ZDHHC11B: variants seen among roughly 807,000 people sequenced by gnomAD.
The protein encoded by ZDHHC11B is probable palmitoyltransferase ZDHHC11B.
In ZDHHC11B, 17 loss-of-function variants were observed where a neutral mutation model predicts 42.3. That is an observed-to-expected ratio of 0.40 (90% CI 0.27 to 0.60). The LOEUF is 0.60. Ranked by LOEUF, ZDHHC11B falls within the 20% of genes least tolerant of loss-of-function variation. ZDHHC11B has a pLI of 0.41. For missense variants in ZDHHC11B, 262 were observed against 463.2 expected (o/e 0.57, Z 3.99); for synonymous variants, 123 against 193.5 (o/e 0.64, Z 3.02).
chr5:762,294 C>T (rs1377273347), intron 4 of ZDHHC11B, among the ~76,000 whole-genome samples: 1 of 151,754 alleles, frequency 6.6e-6, no homozygotes, highest in Non-Finnish European at 1.5e-5. Context: ...GCCTCAACGG[C>T]CACTCACAGC....
At chr5:744,488 T>C (rs1744517908) in intron 9 of ZDHHC11B, among the ~76,000 whole-genome samples, 1 of 149,156 alleles carries the variant, frequency 6.7e-6, no homozygotes, top group Admixed American at 6.8e-5. Flanking sequence ...TCTTGGCTGT[T>C]CTATGTCTAT....
intron 12 of ZDHHC11B, among the ~76,000 whole-genome samples, chr5:719,351 T>C (rs1442204483): frequency 2.0e-5 from 3 of 151,830 alleles, no homozygotes; most frequent in South Asian, 2.1e-4. Flanking sequence ...GACATTTGAA[T>C]TACTAGTCAA....
In ZDHHC11B at chr5:780,605, G is replaced by A. The variant is rs1271975971; in HGVS notation, c.-230+4063C>T. Among the ~76,000 whole-genome samples, 4 of 135,952 alleles carry A rather than the reference G, an allele frequency of 2.9e-5. 1 individual carries two copies. The highest frequency in any genetic ancestry group is 2.3e-4 in the East Asian group (1 of 4,294). 89.2% of individuals were successfully genotyped at this position (135,952 alleles called of 152,430 possible). A position where few individuals can be genotyped will look rare whatever the true frequency, so the allele number is the denominator to read the frequency against. ...GACGGTAAGACCCCATCCCACTCCC[G>A]GAACATGAAGAGAGGCGGCCCAGAA... On this transcript the variant is annotated intron_variant, in intron 1 of 13. Transcript: ENST00000508859.
intron 11 of ZDHHC11B, among the ~76,000 whole-genome samples, chr5:732,980 C>T (rs554099750): frequency 1.3e-5 from 2 of 151,806 alleles, no homozygotes; most frequent in Non-Finnish European, 2.9e-5. Context: ...TTGCTTGAGC[C>T]CAGGAGTTGG....
Position 752,861 on chromosome 5 carries a change from C to T in ZDHHC11B, c.504-1604G>A, listed in dbSNP as rs111348214. On this transcript the variant is annotated intron_variant, in intron 6 of 13. Coordinates refer to ENST00000508859, the MANE Select transcript of ZDHHC11B (RefSeq NM_001351303.2). ...TTGTGGGGAGTAAAGACCCCTCATC[C>T]TCATCCTACTGTCTGGAGAGGACTC... Among the ~76,000 whole-genome samples, 588 of 118,432 alleles carry T rather than the reference C, an allele frequency of 5.0e-3. 7 individuals are homozygous for T. The highest frequency in any genetic ancestry group is 0.013 in the African/African-American group (482 of 36,728). 77.7% of individuals were successfully genotyped at this position (118,432 alleles called of 152,430 possible).
chr5:742,426 T>G (rs1217185649), intron 9 of ZDHHC11B, among the ~76,000 whole-genome samples: 1 of 136,228 alleles, frequency 7.3e-6, no homozygotes, highest in Non-Finnish European at 1.6e-5. Context: ...TTTGTTTGCC[T>G]GTGGCTTGCA....
chr5:718,389 C>T (rs543443783), intron 12 of ZDHHC11B, among the ~76,000 whole-genome samples: 1 of 151,822 alleles, frequency 6.6e-6, no homozygotes, highest in East Asian at 1.9e-4. Context: ...AAAGGAGAAG[C>T]TGGGCTGGGT....
intron 12 of ZDHHC11B, among the ~76,000 whole-genome samples, chr5:719,654 T>C (rs1276565088): frequency 3.4e-5 from 5 of 147,736 alleles, no homozygotes; most frequent in Non-Finnish European, 6.0e-5. Flanking sequence ...TGAAAGAGGA[T>C]AAACAGAGCT....
chr5:725,197 G>A (rs559945786), intron 12 of ZDHHC11B, among the ~76,000 whole-genome samples: 4 of 150,912 alleles, frequency 2.7e-5, no homozygotes, highest in African/African-American at 9.8e-5. Context: ...GACAAGCAGA[G>A]GAGGCCATCG....
chr5:778,243 C>A (rs1276952441), intron 1 of ZDHHC11B, among the ~76,000 whole-genome samples: 1 of 151,762 alleles, frequency 6.6e-6, no homozygotes, highest in African/African-American at 2.4e-5. Context: ...ACAGAGCATC[C>A]CAAAAGGGAA....
rs1304027499 is a variant in ZDHHC11B at position 732,983 on chromosome 5, G to T, written c.1023+769C>A. ...GAGGTGGGACAATTGCTTGAGCCCA[G>T]GAGTTGGAGGCTGCAGTGAGCCATT... On this transcript the variant is annotated intron_variant, in intron 11 of 13. Transcript: ENST00000508859. Among the ~76,000 whole-genome samples the T allele has an allele frequency of 7.2e-5, 11 of 151,732 alleles. 1 individual carries two copies. The highest frequency in any genetic ancestry group is 1.5e-4 in the Non-Finnish European group (10 of 67,996).
intron 4 of ZDHHC11B, among the ~76,000 whole-genome samples, chr5:765,275 C>A (rs1408676708): frequency 1.3e-5 from 2 of 151,536 alleles, no homozygotes; most frequent in Non-Finnish European, 2.9e-5. Flanking sequence ...TGTAAATGCA[C>A]CAATCAGCAC....
chr5:779,137 C>T (rs1421963827), intron 1 of ZDHHC11B, among the ~76,000 whole-genome samples: 13 of 151,558 alleles, frequency 8.6e-5, no homozygotes, highest in African/African-American at 1.5e-4. Context: ...CTAACACAGT[C>T]GCCCTGAGGC....
intron 1 of ZDHHC11B, among the ~76,000 whole-genome samples, chr5:777,748 G>A (rs1371836589): frequency 1.3e-5 from 2 of 152,082 alleles, no homozygotes; most frequent in Non-Finnish European, 2.9e-5. Flanking sequence ...CTCCACTCAG[G>A]AGTCTAGCTA....
chr5:759,448 G>A (rs1179362316), intron 4 of ZDHHC11B, among the ~76,000 whole-genome samples: 1 of 151,956 alleles, frequency 6.6e-6, no homozygotes, highest in Non-Finnish European at 1.5e-5. Flanking sequence ...ACTCCATGCT[G>A]GTGAATCTTC....
rs185355720 is a variant in ZDHHC11B at position 757,346 on chromosome 5, G to A, written c.223-1202C>T. ...AGAAGGTGCTGGCCATGTGCAAAAA[G>A]CCACGTAGGGATTTTAGCAGAAGGC... On this transcript the variant is annotated intron_variant, in intron 4 of 13. Coordinates refer to ENST00000508859, the MANE Select transcript of ZDHHC11B (RefSeq NM_001351303.2). Among the ~76,000 whole-genome samples the A allele has an allele frequency of 3.3e-5, 5 of 152,058 alleles. 1 individual carries two copies. In the East Asian group the frequency reaches 9.7e-4, roughly 29 times the overall value.
At position 776,174 on chromosome 5, in the gene ZDHHC11B, A is replaced by C. The variant is rs1468210404; in HGVS notation, c.-229-7244T>G. Among the ~76,000 whole-genome samples, 5 of 150,540 alleles carry C rather than the reference A, an allele frequency of 3.3e-5. No homozygotes were observed. The East Asian group carries it at 7.8e-4, about 24-fold the overall frequency. ...CTGGAGACTGTTGTCATTAAACCCC[A>C]CTCCTGTTTAGGAAACCCTAGGGCC... is the stretch of plus-strand genomic sequence containing the variant. On this transcript the variant is annotated intron_variant, in intron 1 of 13. Transcript: ENST00000508859.
intron 7 of ZDHHC11B, among the ~76,000 whole-genome samples, chr5:749,416 G>C (rs1317976529): frequency 7.7e-6 from 1 of 130,208 alleles, no homozygotes; most frequent in Non-Finnish European, 1.7e-5. Flanking sequence ...GATTCAGTGT[G>C]GATGTCTTTG....
chr5:744,291 T>C lies in ZDHHC11B; in HGVS notation c.900+892A>G, dbSNP rs1744498284. 4.0e-5 allele frequency among the ~76,000 whole-genome samples: 6 copies of C among 149,846 alleles called. 1 individual carries two copies. The Admixed American group carries it at 4.1e-4, about 10-fold the overall frequency. On this transcript the variant is annotated intron_variant, in intron 9 of 13. Coordinates refer to ENST00000508859, the MANE Select transcript of ZDHHC11B (RefSeq NM_001351303.2). ...GTATTGGCTTACGAATATCTGGCTTTGGTGTCAGGTTGATAGTGGCATTGC... is the reference window on the plus strand; with the variant it reads ...GTATTGGCTTACGAATATCTGGCTTCGGTGTCAGGTTGATAGTGGCATTGC...
Sources: allele counts gnomAD v4.1 joint callset (sites outside exome capture counted in the v4.1 genomes callset), GRCh38; gene constraint gnomAD v4.1.1; transcripts MANE v1.5; gene names NCBI Gene and HGNC (gene_info 2026-07-23, HGNC 2026-07-21).